CEP131: variants seen among roughly 807,000 people sequenced by gnomAD.
CEP131 encodes the protein centrosomal protein of 131 kDa.
Under a neutral mutation model 136.8 loss-of-function variants are expected in CEP131, and 99 were observed. The ratio of observed to expected loss-of-function variants is 0.72; its 90% CI spans 0.62 to 0.86. The LOEUF (loss-of-function observed/expected upper bound fraction) is 0.86. Ranked by LOEUF, CEP131 falls within the 40% of genes least tolerant of loss-of-function variation. The probability of loss-of-function intolerance (pLI) is 0.00; values close to 1 mark genes in which losing one functional copy is unlikely to be tolerated. For synonymous variants in CEP131, 646 were observed against 612.7 expected (o/e 1.05, Z -0.80); for missense variants, 1,459 against 1,463.0 (o/e 1.00, Z 0.04).
intron 24 of CEP131, 140 bp downstream of exon 24, chr17:81,190,499 A>G (rs985586425): frequency 8.7e-7 from 1 of 1,145,786 alleles, no homozygotes; most frequent in Admixed American, 3.1e-5. Context: ...TGGAACCCAC[A>G]CCAGCCTCTG....
Position 81,208,028 on chromosome 17 carries a change from C to T in CEP131, c.273-789G>A. 1.9e-5 allele frequency among the ~76,000 whole-genome samples: 1 copy of T among 51,468 alleles called. No individual in the cohort carries two copies. The highest frequency in any genetic ancestry group is 6.8e-5 in the African/African-American group (1 of 14,790). The allele number at this position is 51,468 out of a possible 152,430, so 33.8% of individuals were successfully genotyped here. A position where few individuals can be genotyped will look rare whatever the true frequency, so the allele number is the denominator to read the frequency against. On this transcript the variant is annotated intron_variant, in intron 3 of 25. Transcript: ENST00000450824. This position sits in a 1 kb window ranked among gnomAD's most constrained non-coding sequence, Gnocchi z 5.6. ...ACACACACCACTCACACCACACACC[C>T]ACACACCACACACCCCCCACACACA... is the stretch of plus-strand genomic sequence containing the variant.
At chr17:81,197,658 C>T (rs1204719003) in intron 13 of CEP131, 54 bp downstream of exon 13, 9 of 1,558,668 alleles carry the variant, frequency 5.8e-6, no homozygotes, top group African/African-American at 1.4e-5. Flanking sequence ...CAGGTGCAGG[C>T]TCGTGAGGGG....
chr17:81,205,122 G>A (rs1464418235), intron 5 of CEP131, among the ~76,000 whole-genome samples: 1 of 151,658 alleles, frequency 6.6e-6, no homozygotes, highest in Non-Finnish European at 1.5e-5. Context: ...AGCCTAGTGT[G>A]GTGGCACACG....
At chr17:81,194,205 T>A (rs1598272249) in intron 17 of CEP131, 78 bp from the exon 18 acceptor site, 2 of 1,355,986 alleles carry the variant, frequency 1.5e-6, no homozygotes, top group East Asian at 5.6e-5. Flanking sequence ...AAGACCAGCC[T>A]GTCTCAGGCC....
At chr17:81,209,563 A>G (rs2659002) in intron 2 of CEP131, among the ~76,000 whole-genome samples, 75,982 of 87,566 alleles carry the variant, frequency 0.87, 34,339 homozygotes, top group Non-Finnish European at 0.95. Flanking sequence ...GACACTAAGC[A>G]AGGATCAGAG....
Position 81,199,764 on chromosome 17 carries a change from C to T in CEP131, c.978G>A (p.Lys326=), listed in dbSNP as rs1156877529. 1 of 1,611,464 alleles carries T rather than the reference C, an allele frequency of 6.2e-7. No individual in the cohort carries two copies. The highest frequency in any genetic ancestry group is 8.5e-7 in the Non-Finnish European group (1 of 1,180,004). ...CTTGGCGTGCCTTCTCCTCCCGGGC[C>T]TTCCTCCTGGCTGCCTCTTTCTGCT... is the stretch of plus-strand genomic sequence containing the variant. ...LHQQKEAARR[K]AREEKARQAR... is the part of the protein sequence containing the mutation. The change falls in exon 9 of 26, where the codon AAG becomes AAA. Residue 326 remains lysine (K), a synonymous_variant. Transcript: ENST00000450824.
At position 81,194,020 on chromosome 17, in the gene CEP131, G is replaced by T; in HGVS notation, c.2227C>A (p.Gln743Lys). The T allele has an allele frequency of 6.4e-7, 1 of 1,571,006 alleles. No individual in the cohort carries two copies. Among genetic ancestry groups the T allele is most frequent in the Non-Finnish European group, 8.6e-7 (1 of 1,158,696 alleles). Residue 743 changes from glutamine (Q) to lysine (K), a missense_variant, in exon 18 of 26, where the codon CAG (glutamine) becomes AAG (lysine). Physicochemically the swap from Gln to Lys is moderately conservative, Grantham distance 53. Coordinates refer to ENST00000450824, the MANE Select transcript of CEP131 (RefSeq NM_014984.4). ...TCCTCGGCCTGGCGCAGGCAGCGCT[G>T]CGAGGCCCGCTCATCCGACTGCAGC... The part of the protein sequence containing the change: ...ELLQSDERAS[Q>K]RCLRQAEELR...
intron 17 of CEP131, among the ~76,000 whole-genome samples, chr17:81,194,595 A>C (rs2061713688): frequency 6.6e-6 from 1 of 152,118 alleles, no homozygotes; most frequent in Non-Finnish European, 1.5e-5. Flanking sequence ...CCCTAGCCCA[A>C]CCCTGAGGAA....
Position 81,194,868 on chromosome 17 carries a change from A to C in CEP131, c.2119+2T>G. The C allele has an allele frequency of 6.2e-7, 1 of 1,611,668 alleles. No homozygotes were observed. The highest frequency in any genetic ancestry group is 8.5e-7 in the Non-Finnish European group (1 of 1,179,554). ...GCCGGCTCATGGGAGGGGAGGGCCC[A>C]CCTCGGACAGTGACCTCCTTGATCT... On this transcript the variant is annotated splice_donor_variant, in intron 17 of 25. Transcript: ENST00000450824. LOFTEE classifies it high-confidence loss of function.
chr17:81,197,387 G>A (rs2061783904), intron 13 of CEP131: 1 of 531,368 alleles, frequency 1.9e-6, no homozygotes, highest in Non-Finnish European at 3.3e-6. Context: ...CCAACCCAGA[G>A]GACAGCAGGG....
rs1012025809 is a variant in CEP131 at position 81,219,987 on chromosome 17, C to G, written c.70G>C (p.Gly24Arg). 6.2e-7 allele frequency: 1 copy of G among 1,612,420 alleles called. No individual in the cohort carries two copies. Among genetic ancestry groups the G allele is most frequent in the African/African-American group, 1.3e-5 (1 of 74,880 alleles). The change falls in exon 2 of 26, where the codon GGT (glycine) becomes CGT (arginine). Residue 24 changes from glycine (G) to arginine (R), a missense_variant. Transcript: ENST00000450824. The surrounding 1 kb of genome is among the most constrained non-coding windows in gnomAD (Gnocchi z 4.0). ...CGCCGGGACACAGGCGGAGGGAGAC[C>G]TGTCAGACTCAGGTCCACACCTGCT... ...SPAGVDLSLT[G>R]LPPPVSRRPG...
At chr17:81,190,872 G>A (rs1374398559) in intron 23 of CEP131, 35 bp downstream of exon 23, 3 of 1,593,858 alleles carry the variant, frequency 1.9e-6, no homozygotes, top group Non-Finnish European at 2.6e-6. Flanking sequence ...GGGGCCTGTG[G>A]GTGCCCACTG....
intron 16 of CEP131, among the ~76,000 whole-genome samples, 168 bp from the exon 17 acceptor site, chr17:81,195,140 C>T (rs1018469222): frequency 2.6e-5 from 4 of 152,090 alleles, no homozygotes; most frequent in Admixed American, 6.5e-5. Flanking sequence ...CCCCAGCGCC[C>T]GGGGCCAGGC....
intron 7 of CEP131, 140 bp downstream of exon 7, chr17:81,202,100 C>CAA (rs548272114): frequency 0.034 from 13,285 of 390,522 alleles, 8 homozygotes; most frequent in South Asian, 0.052. Flanking sequence ...GACTCTGTCT[C>CAA]AAAAAAAAAA....
rs544133644 is a variant in CEP131, at chr17:81,213,198, A to G, written c.178-4176T>C. Among the ~76,000 whole-genome samples the G allele has an allele frequency of 2.3e-4, 35 of 152,356 alleles. No homozygotes were observed. In the South Asian group the frequency reaches 3.7e-3, roughly 16 times the overall value. On this transcript the variant is annotated intron_variant, in intron 2 of 25. Transcript: ENST00000450824. The stretch of plus-strand genomic sequence containing the variant: ...ATGAGAGCAACAAAATAAGCAAACT[A>G]GCATTGAATTATAACTTGAAGTGTA...
In CEP131 at chr17:81,203,035, G is replaced by C. The variant is rs922713763; in HGVS notation, c.629+459C>G. Among the ~76,000 whole-genome samples, 4 of 151,942 alleles carry C rather than the reference G, an allele frequency of 2.6e-5. No homozygotes were observed. The highest frequency in any genetic ancestry group is 4.8e-5 in the African/African-American group (2 of 41,380). On this transcript the variant is annotated intron_variant, in intron 6 of 25. Transcript: ENST00000450824. The surrounding 1 kb of genome is among the most constrained non-coding windows in gnomAD (Gnocchi z 4.6). Reference sequence around the variant, plus strand: ...AGTCCAGAGCCTGAGGGACCCCTGAGCAACCCCAAGGCCATCCCCAATCCC... The same window carrying C: ...AGTCCAGAGCCTGAGGGACCCCTGACCAACCCCAAGGCCATCCCCAATCCC...
rs147221025 is a variant in CEP131, at chr17:81,203,063, C to T, written c.629+431G>A. Reference sequence around the variant, plus strand: ...ACCCCAAGGCCATCCCCAATCCCCGCAAGACCATGTGGTGGTGGACTCGGG... The same window carrying T: ...ACCCCAAGGCCATCCCCAATCCCCGTAAGACCATGTGGTGGTGGACTCGGG... On this transcript the variant is annotated intron_variant, in intron 6 of 25. Coordinates refer to ENST00000450824, the MANE Select transcript of CEP131 (RefSeq NM_014984.4). The surrounding 1 kb of genome is among the most constrained non-coding windows in gnomAD (Gnocchi z 4.6). 0.013 allele frequency among the ~76,000 whole-genome samples: 2,037 copies of T among 152,338 alleles called. 27 individuals are homozygous for T. The highest frequency in any genetic ancestry group is 0.021 in the Non-Finnish European group (1,415 of 68,026).
chr17:81,203,259 G>A lies in CEP131; in HGVS notation c.629+235C>T, dbSNP rs372554761. ...TGCCGACCCAAGAACAGAAGAGGGCGGCGGACGTGGATGGGGAGCCCGGTT... is the reference window on the plus strand; with the variant it reads ...TGCCGACCCAAGAACAGAAGAGGGCAGCGGACGTGGATGGGGAGCCCGGTT... On this transcript the variant is annotated intron_variant, in intron 6 of 25. Coordinates refer to ENST00000450824, the MANE Select transcript of CEP131 (RefSeq NM_014984.4). The surrounding 1 kb of genome is among the most constrained non-coding windows in gnomAD (Gnocchi z 4.6). Among the ~76,000 whole-genome samples the A allele has an allele frequency of 1.5e-4, 23 of 152,204 alleles. No individual in the cohort carries two copies. The East Asian group carries it at 2.5e-3, about 17-fold the overall frequency.
rs1742497713 is a variant in CEP131, at chr17:81,215,719, C to T, written c.177+4161G>A. The stretch of plus-strand genomic sequence containing the variant: ...GGGCCACCGCACCTGGCCCCCCTTT[C>T]AAAATTTTAAATGGACTTATGCTCT... On this transcript the variant is annotated intron_variant, in intron 2 of 25. Coordinates refer to ENST00000450824, the MANE Select transcript of CEP131 (RefSeq NM_014984.4). This position sits in a 1 kb window ranked among gnomAD's most constrained non-coding sequence, Gnocchi z 4.1. Among the ~76,000 whole-genome samples, 1 of 152,114 alleles carries T rather than the reference C, an allele frequency of 6.6e-6. No individual in the cohort carries two copies. Among genetic ancestry groups the T allele is most frequent in the South Asian group, 2.1e-4 (1 of 4,828 alleles).
Sources: gnomAD v4.1 joint callset for allele counts (sites outside exome capture counted in the v4.1 genomes callset) on GRCh38, gnomAD v4.1.1 for gene constraint, Gnocchi (gnomAD v3.1) non-coding constraint, MANE v1.5 for transcripts, NCBI Gene and HGNC (gene_info 2026-07-23, HGNC 2026-07-21) for gene names.